Variants in DYSF observed in about 807,000 individuals in gnomAD.
DYSF encodes dystrophy-associated fer-1-like 1.
DYSF carries 212 observed loss-of-function variants against 274.9 expected under a neutral mutation model. That is an observed-to-expected ratio of 0.77 (90% CI 0.69 to 0.86). The LOEUF (loss-of-function observed/expected upper bound fraction) is 0.86. Ranked by LOEUF, DYSF falls within the 40% of genes least tolerant of loss-of-function variation. The pLI is 0.00. For missense variants in DYSF, 2,666 were observed against 2,783.2 expected, an observed-to-expected ratio of 0.96 and a Z score of 0.95; for synonymous variants, 1,091 against 1,078.7, an observed-to-expected ratio of 1.01 and a Z score of -0.22.
chr2:71,663,908 A>T (rs1366206386), intron 45 of DYSF, among the ~76,000 whole-genome samples: 1 of 152,030 alleles, frequency 6.6e-6, no homozygotes, highest in East Asian at 1.9e-4. Flanking sequence ...TCGTCGGTAA[A>T]TTCCAAAGCT....
At chr2:71,529,594 G>A (rs993261582) in intron 14 of DYSF, among the ~76,000 whole-genome samples, 1 of 152,138 alleles carries the variant, frequency 6.6e-6, no homozygotes, top group Non-Finnish European at 1.5e-5. Flanking sequence ...AGGGATGATC[G>A]CCTGATCACA....
At chr2:71,467,925 C>T (rs2081656994) in intron 1 of DYSF, among the ~76,000 whole-genome samples, 1 of 152,048 alleles carries the variant, frequency 6.6e-6, no homozygotes, top group Non-Finnish European at 1.5e-5. Flanking sequence ...TCAGTCTGAC[C>T]CATGATCTGA....
intron 11 of DYSF, among the ~76,000 whole-genome samples, chr2:71,520,524 A>G (rs1313877197): frequency 6.6e-6 from 1 of 152,190 alleles, no homozygotes; most frequent in African/African-American, 2.4e-5. Context: ...CCTGGTTTCC[A>G]TTCTGATCTG....
Position 71,484,388 on chromosome 2 carries a change from G to T in DYSF, c.239+2418G>T, listed in dbSNP as rs570977390. Among the ~76,000 whole-genome samples the T allele has an allele frequency of 4.6e-5, 7 of 152,122 alleles. No homozygotes were observed. In the South Asian group the frequency reaches 1.5e-3, roughly 32 times the overall value. On this transcript the variant is annotated intron_variant, in intron 3 of 55. Coordinates refer to ENST00000410020, the MANE Select transcript of DYSF (RefSeq NM_001130987.2). ...TTTAAAAATTTTTAAAATCATTATG[G>T]GTAGATAATAGTTGTATATATCTAT...
rs542923457 is a variant in DYSF at position 71,682,099 on chromosome 2, T to A, written c.6174-431T>A. Among the ~76,000 whole-genome samples the A allele has an allele frequency of 6.6e-5, 10 of 152,252 alleles. No individual in the cohort carries two copies. In the East Asian group the frequency reaches 1.9e-3, roughly 29 times the overall value. On this transcript the variant is annotated intron_variant, in intron 54 of 55. Transcript: ENST00000410020. The stretch of plus-strand genomic sequence containing the variant: ...ATGTTCTCTTCCCACCGTTGTTCCC[T>A]GAGCATGGACTAGCCATGTGCATCT...
At chr2:71,547,674 G>A (rs1027778820) in intron 17 of DYSF, among the ~76,000 whole-genome samples, 7 of 152,154 alleles carry the variant, frequency 4.6e-5, no homozygotes, top group African/African-American at 1.7e-4. Context: ...GAAAGAATGG[G>A]TGAATTAATG....
intron 41 of DYSF, among the ~76,000 whole-genome samples, chr2:71,624,298 A>G (rs1406417809): frequency 6.6e-6 from 1 of 152,224 alleles, no homozygotes; most frequent in African/African-American, 2.4e-5. Context: ...CAGGACAGAC[A>G]GCATTTGTTA....
intron 29 of DYSF, among the ~76,000 whole-genome samples, chr2:71,573,761 TTGG>T (rs1251187140): frequency 6.6e-6 from 1 of 152,170 alleles, no homozygotes; most frequent in Non-Finnish European, 1.5e-5. Flanking sequence ...TTCTGGCTGT[TTGG>T]TTCTTCCCGC....
At chr2:71,514,147 TAAAAA>T (rs5832057) in intron 7 of DYSF, among the ~76,000 whole-genome samples, 2 of 125,188 alleles carry the variant, frequency 1.6e-5, no homozygotes, top group African/African-American at 6.2e-5. Context: ...GTTTTGCGCT[TAAAAA>T]AAAAAAAAAA....
At chr2:71,568,925 T>C (rs796209755) in intron 26 of DYSF, among the ~76,000 whole-genome samples, 2 of 149,626 alleles carry the variant, frequency 1.3e-5, no homozygotes, top group African/African-American at 5.0e-5. Context: ...CAGGCTGGAG[T>C]GCAGTGGCGC....
intron 41 of DYSF, among the ~76,000 whole-genome samples, chr2:71,636,884 T>C (rs1359159326): frequency 6.6e-6 from 1 of 152,048 alleles, no homozygotes; most frequent in Non-Finnish European, 1.5e-5. Flanking sequence ...GACAGCACTG[T>C]GGTGCTCTGG....
At position 71,534,939 on chromosome 2, in the gene DYSF, G is replaced by A. The variant is rs2089154909; in HGVS notation, c.1381-82G>A. 4.8e-6 allele frequency: 7 copies of A among 1,468,876 alleles called. No individual in the cohort carries two copies. The South Asian group carries it at 6.8e-5, about 14-fold the overall frequency. 91.0% of individuals were successfully genotyped at this position (1,468,876 alleles called of 1,614,324 possible). ...AGGGCAGCCAGCATGGCAGAGAATG[G>A]TCACTGGCTGGCATGTGGCCCCGGG... On this transcript the variant is annotated intron_variant, in intron 14 of 55. Coordinates refer to ENST00000410020, the MANE Select transcript of DYSF (RefSeq NM_001130987.2).
chr2:71,653,009 A>C (rs1285217887), intron 42 of DYSF, among the ~76,000 whole-genome samples: 7 of 152,248 alleles, frequency 4.6e-5, no homozygotes, highest in Non-Finnish European at 1.0e-4. Flanking sequence ...AGACATTGTA[A>C]GTATAATTTG....
At chr2:71,584,116 A>C (rs1174416498) in intron 30 of DYSF, among the ~76,000 whole-genome samples, 2 of 144,852 alleles carry the variant, frequency 1.4e-5, no homozygotes, top group Admixed American at 6.9e-5. Context: ...TCAAGGCAGG[A>C]ATGTGACTGT....
At chr2:71,502,696 C>CCA (rs2085106383) in intron 3 of DYSF, among the ~76,000 whole-genome samples, 1 of 152,204 alleles carries the variant, frequency 6.6e-6, no homozygotes, top group South Asian at 2.1e-4. Flanking sequence ...GCCTGTTTCC[C>CCA]CTGCCCCAAT....
In DYSF at chr2:71,668,844, T is replaced by C; in HGVS notation, c.5546+2T>C. 6.2e-7 allele frequency: 1 copy of C among 1,611,132 alleles called. No individual in the cohort carries two copies. The highest frequency in any genetic ancestry group is 1.3e-5 in the African/African-American group (1 of 74,844). ...CATCACCCCACGGAGAGCCAGAAGGTGACTTGCCCAGCCACAGGCTCTGAG... is the reference window on the plus strand; with the variant it reads ...CATCACCCCACGGAGAGCCAGAAGGCGACTTGCCCAGCCACAGGCTCTGAG... On this transcript the variant is annotated splice_donor_variant, in intron 49 of 55. Coordinates refer to ENST00000410020, the MANE Select transcript of DYSF (RefSeq NM_001130987.2). LOFTEE classifies it high-confidence loss of function.
intron 22 of DYSF, among the ~76,000 whole-genome samples, chr2:71,558,039 A>C (rs2091458359): frequency 6.6e-6 from 1 of 152,094 alleles, no homozygotes; most frequent in East Asian, 1.9e-4. Context: ...CTCAAAAAAA[A>C]AAAAAGTAAA....
chr2:71,592,755 C>T (rs986038408), intron 32 of DYSF, among the ~76,000 whole-genome samples: 11 of 152,298 alleles, frequency 7.2e-5, no homozygotes, highest in East Asian at 3.9e-4. Context: ...GGCCTTTCCC[C>T]GGGGGCTCCT....
chr2:71,671,749 G>T (rs1166919033), intron 51 of DYSF, among the ~76,000 whole-genome samples: 1 of 152,184 alleles, frequency 6.6e-6, no homozygotes, highest in Non-Finnish European at 1.5e-5. Flanking sequence ...ACCCAGTTGT[G>T]GTTGCTGATT....
Sources: allele counts gnomAD v4.1 joint callset (sites outside exome capture counted in the v4.1 genomes callset), GRCh38; gene constraint gnomAD v4.1.1; transcripts MANE v1.5; gene names NCBI Gene and HGNC (gene_info 2026-07-23, HGNC 2026-07-21).